SUGCT: variants seen among roughly 807,000 people sequenced by gnomAD.
SUGCT encodes succinyl-CoA:glutarate CoA-transferase.
A neutral mutation model predicts 55.0 loss-of-function variants in SUGCT; 41 were observed. The observed-to-expected ratio is 0.74, with a 90% CI of 0.58 to 0.97. SUGCT has a LOEUF of 0.97. Among genes scored for constraint, SUGCT ranks in the 50% least tolerant of loss-of-function variants. SUGCT has a pLI of 0.00. For synonymous variants in SUGCT, 187 were observed against 200.4 expected, an observed-to-expected ratio of 0.93 and a Z score of 0.56; for missense variants, 568 against 547.8, an observed-to-expected ratio of 1.04 and a Z score of -0.37.
At chr7:40,375,827 T>C (rs1189942766) in intron 9 of SUGCT, among the ~76,000 whole-genome samples, 1 of 152,170 alleles carries the variant, frequency 6.6e-6, no homozygotes, top group African/African-American at 2.4e-5. Flanking sequence ...GTGCATTTCA[T>C]AGGGCAGGGA....
intron 6 of SUGCT, among the ~76,000 whole-genome samples, chr7:40,208,865 A>G (rs1787162453): frequency 6.6e-6 from 1 of 152,160 alleles, no homozygotes; most frequent in Admixed American, 6.5e-5. Context: ...TGTTTAAGTT[A>G]AAAGCCCTTT....
chr7:40,250,463 C>G (rs1218930277), intron 7 of SUGCT, among the ~76,000 whole-genome samples: 1 of 151,262 alleles, frequency 6.6e-6, no homozygotes, highest in African/African-American at 2.4e-5. Context: ...GAAACAATGT[C>G]AAAAATAATG....
At chr7:40,567,826 C>G (rs1314081971) in intron 12 of SUGCT, among the ~76,000 whole-genome samples, 1 of 152,114 alleles carries the variant, frequency 6.6e-6, no homozygotes, top group African/African-American at 2.4e-5. Context: ...GAAAAATGTC[C>G]AAATTTAAAA....
chr7:40,616,433 C>T (rs1313264992), intron 12 of SUGCT, among the ~76,000 whole-genome samples: 1 of 152,126 alleles, frequency 6.6e-6, no homozygotes, highest in Non-Finnish European at 1.5e-5. Flanking sequence ...CTACCCGCCT[C>T]AGCCTCCCAA....
intron 12 of SUGCT, among the ~76,000 whole-genome samples, chr7:40,690,693 C>T (rs1388114676): frequency 2.0e-5 from 3 of 152,020 alleles, no homozygotes; most frequent in Non-Finnish European, 2.9e-5. Context: ...CTCAGCCTCC[C>T]GAGTAGCTGG....
At chr7:40,446,865 T>C (rs896524984) in intron 9 of SUGCT, among the ~76,000 whole-genome samples, 8 of 152,140 alleles carry the variant, frequency 5.3e-5, no homozygotes, top group African/African-American at 1.9e-4. Context: ...GCTAATACAG[T>C]AGCCACTAGC....
chr7:40,729,644 G>C (rs748793812), intron 12 of SUGCT, among the ~76,000 whole-genome samples: 21 of 152,288 alleles, frequency 1.4e-4, no homozygotes, highest in Admixed American at 1.3e-3. Flanking sequence ...GTGGGAATCT[G>C]AGGGCCTTTG....
At chr7:40,346,436 A>G (rs958702478) in intron 9 of SUGCT, among the ~76,000 whole-genome samples, 2 of 152,146 alleles carry the variant, frequency 1.3e-5, no homozygotes, top group Non-Finnish European at 2.9e-5. Flanking sequence ...ACAACAGGAT[A>G]GGGAATATAG....
At chr7:40,367,905 A>T (rs1280642745) in intron 9 of SUGCT, among the ~76,000 whole-genome samples, 2 of 152,064 alleles carry the variant, frequency 1.3e-5, no homozygotes, top group South Asian at 2.1e-4. Flanking sequence ...CAGCCTCTCC[A>T]TCCATGCCTC....
intron 12 of SUGCT, among the ~76,000 whole-genome samples, chr7:40,510,470 T>C (rs1471553864): frequency 6.6e-6 from 1 of 152,156 alleles, no homozygotes; most frequent in Non-Finnish European, 1.5e-5. Flanking sequence ...TATCAGAGTC[T>C]GCATTGGTCG....
chr7:40,232,826 A>G (rs1781219742), intron 6 of SUGCT, among the ~76,000 whole-genome samples: 7 of 152,212 alleles, frequency 4.6e-5, no homozygotes, highest in Admixed American at 4.6e-4. Flanking sequence ...CTGATTTTCC[A>G]TAACTTCCCT....
At chr7:40,290,948 A>G (rs1028571091) in intron 8 of SUGCT, among the ~76,000 whole-genome samples, 1 of 152,204 alleles carries the variant, frequency 6.6e-6, no homozygotes, top group Admixed American at 6.5e-5. Flanking sequence ...AATCAAAACC[A>G]CAATGAGATA....
intron 10 of SUGCT, among the ~76,000 whole-genome samples, chr7:40,458,206 G>A (rs1789590095): frequency 6.6e-6 from 1 of 152,164 alleles, no homozygotes; most frequent in South Asian, 2.1e-4. Context: ...TATTAATAAA[G>A]GCAATGAAGC....
intron 13 of SUGCT, among the ~76,000 whole-genome samples, chr7:40,774,697 C>T (rs968410172): frequency 6.6e-6 from 1 of 151,452 alleles, no homozygotes; most frequent in Non-Finnish European, 1.5e-5. Context: ...TATATGTTGG[C>T]TTTTTCCATA....
Position 40,421,326 on chromosome 7 carries a change from T to C in SUGCT, c.817-27961T>C, listed in dbSNP as rs1787295820. Among the ~76,000 whole-genome samples, 2 of 152,194 alleles carry C rather than the reference T, an allele frequency of 1.3e-5. 1 individual carries two copies. Among genetic ancestry groups the C allele is most frequent in the South Asian group, 4.1e-4 (2 of 4,828 alleles). ...TGTCAAGTTCCTGGAGATCTGTTGCTGGGGTTTGTGTTGTTTTCTCCTCAA... is the reference window on the plus strand; with the variant it reads ...TGTCAAGTTCCTGGAGATCTGTTGCCGGGGTTTGTGTTGTTTTCTCCTCAA... On this transcript the variant is annotated intron_variant, in intron 9 of 13. Coordinates refer to ENST00000335693, the MANE Select transcript of SUGCT (RefSeq NM_001193313.2).
chr7:40,260,984 T>C (rs1791186303), intron 7 of SUGCT, among the ~76,000 whole-genome samples: 1 of 152,188 alleles, frequency 6.6e-6, no homozygotes, highest in South Asian at 2.1e-4. Flanking sequence ...CCACTTTTTT[T>C]TTCTATCTCA....
rs80285020 is a variant in SUGCT at position 40,327,571 on chromosome 7, T to C, written c.816+10716T>C. ...TAAACTCAGAATTCCCTCTGACATATAGTGTTTTAAATGTGTTTCGCTAAG... is the reference window on the plus strand; with the variant it reads ...TAAACTCAGAATTCCCTCTGACATACAGTGTTTTAAATGTGTTTCGCTAAG... On this transcript the variant is annotated intron_variant, in intron 9 of 13. Coordinates refer to ENST00000335693, the MANE Select transcript of SUGCT (RefSeq NM_001193313.2). Among the ~76,000 whole-genome samples the C allele has an allele frequency of 2.1e-4, 32 of 152,320 alleles. No individual in the cohort carries two copies. In the East Asian group the frequency reaches 3.5e-3, roughly 17 times the overall value.
chr7:40,413,040 G>A (rs1786778349), intron 9 of SUGCT, among the ~76,000 whole-genome samples: 1 of 151,862 alleles, frequency 6.6e-6, no homozygotes, highest in African/African-American at 2.4e-5. Flanking sequence ...GATTTATTCC[G>A]ATCTTGTATT....
intron 9 of SUGCT, among the ~76,000 whole-genome samples, chr7:40,373,219 AT>A (rs1307622524): frequency 1.3e-5 from 2 of 151,042 alleles, no homozygotes; most frequent in South Asian, 2.1e-4. Flanking sequence ...AAGTTAAGTG[AT>A]TCTAGAAATA....
Sources: gnomAD v4.1 joint callset for allele counts (sites outside exome capture counted in the v4.1 genomes callset) on GRCh38, gnomAD v4.1.1 for gene constraint, MANE v1.5 for transcripts, NCBI Gene and HGNC (gene_info 2026-07-23, HGNC 2026-07-21) for gene names.